Variants in NKAIN2 observed in about 807,000 individuals in gnomAD.
The protein encoded by NKAIN2 is sodium/potassium-transporting ATPase subunit beta-1-interacting protein 2.
NKAIN2 carries 14 observed loss-of-function variants against 32.6 expected under a neutral mutation model. That is an observed-to-expected ratio of 0.43 (90% CI 0.28 to 0.67). The LOEUF (loss-of-function observed/expected upper bound fraction) is 0.67, where lower values mean the gene tolerates loss of function less well. Among genes scored for constraint, NKAIN2 ranks in the 30% least tolerant of loss-of-function variants. The pLI, the probability that NKAIN2 is intolerant of heterozygous loss-of-function variation, is 0.17. For missense variants in NKAIN2, 198 were observed against 258.3 expected, an observed-to-expected ratio of 0.77 and a Z score of 1.60; for synonymous variants, 80 against 87.2, an observed-to-expected ratio of 0.92 and a Z score of 0.46.
intron 2 of NKAIN2, among the ~76,000 whole-genome samples, chr6:124,319,973 C>A (rs899852146): frequency 1.4e-4 from 21 of 152,180 alleles, no homozygotes; most frequent in African/African-American, 4.8e-4. Context: ...TAAAAAAATA[C>A]GTTGAAAGAT....
At chr6:124,247,340 G>A (rs760025384) in intron 1 of NKAIN2, among the ~76,000 whole-genome samples, 3 of 152,074 alleles carry the variant, frequency 2.0e-5, no homozygotes, top group Non-Finnish European at 4.4e-5. Flanking sequence ...CTTTTGCTTC[G>A]AGAGCAAAGC....
chr6:123,852,556 T>C (rs1775393770), intron 1 of NKAIN2, among the ~76,000 whole-genome samples: 1 of 152,180 alleles, frequency 6.6e-6, no homozygotes, highest in Non-Finnish European at 1.5e-5. Flanking sequence ...ATATCTGCAG[T>C]CCTGTGTTCA....
intron 6 of NKAIN2, among the ~76,000 whole-genome samples, chr6:124,820,609 T>C (rs934274246): frequency 1.3e-5 from 2 of 152,128 alleles, no homozygotes; most frequent in Admixed American, 6.5e-5. Context: ...CTGTAAATGG[T>C]ATATTATATA....
intron 4 of NKAIN2, among the ~76,000 whole-genome samples, chr6:124,747,658 CT>C (rs1047695161): frequency 1.3e-4 from 20 of 151,782 alleles, no homozygotes; most frequent in African/African-American, 3.9e-4. Flanking sequence ...ATTTTAAAAT[CT>C]TTCATTGATG....
chr6:124,414,844 C>T (rs1774385887), intron 3 of NKAIN2, among the ~76,000 whole-genome samples: 1 of 152,070 alleles, frequency 6.6e-6, no homozygotes, highest in Non-Finnish European at 1.5e-5. Context: ...AAGCTACCCT[C>T]TTATTTCTGA....
intron 4 of NKAIN2, among the ~76,000 whole-genome samples, chr6:124,691,714 A>G (rs1255200787): frequency 1.3e-5 from 2 of 152,114 alleles, no homozygotes; most frequent in Admixed American, 6.5e-5. Context: ...TTATCCTTAG[A>G]AAAAAATGAC....
intron 5 of NKAIN2, among the ~76,000 whole-genome samples, chr6:124,816,695 G>A (rs983510147): frequency 2.0e-5 from 3 of 152,096 alleles, no homozygotes; most frequent in Non-Finnish European, 4.4e-5. Context: ...TCTATCTGTA[G>A]CACCCCAAAT....
At chr6:124,137,761 G>A (rs566783281) in intron 1 of NKAIN2, among the ~76,000 whole-genome samples, 5 of 152,168 alleles carry the variant, frequency 3.3e-5, no homozygotes, top group South Asian at 4.1e-4. Context: ...ACATAAAGTC[G>A]GAAAAGGACA....
At chr6:124,613,241 A>C (rs1250043846) in intron 3 of NKAIN2, among the ~76,000 whole-genome samples, 1 of 152,174 alleles carries the variant, frequency 6.6e-6, no homozygotes, top group African/African-American at 2.4e-5. Flanking sequence ...AGCTGAATAC[A>C]TCAGGTTATC....
At chr6:124,320,813 T>C (rs1797146572) in intron 2 of NKAIN2, among the ~76,000 whole-genome samples, 2 of 152,346 alleles carry the variant, frequency 1.3e-5, no homozygotes, top group South Asian at 4.1e-4. Context: ...CTTGAAGCTG[T>C]GAAGACTTTT....
At chr6:124,636,996 T>C (rs1021871292) in intron 3 of NKAIN2, among the ~76,000 whole-genome samples, 3 of 151,998 alleles carry the variant, frequency 2.0e-5, no homozygotes, top group African/African-American at 7.2e-5. Context: ...CTCAACAAAA[T>C]ACTAGGAAAC....
At chr6:124,508,390 G>A (rs967928151) in intron 3 of NKAIN2, among the ~76,000 whole-genome samples, 16 of 151,532 alleles carry the variant, frequency 1.1e-4, no homozygotes, top group African/African-American at 3.2e-4. Context: ...TGTCACCCAG[G>A]CTGGAGTGCA....
At chr6:124,282,627 T>C (rs896399894) in intron 1 of NKAIN2, among the ~76,000 whole-genome samples, 13 of 152,228 alleles carry the variant, frequency 8.5e-5, no homozygotes, top group Non-Finnish European at 8.8e-5. Flanking sequence ...ACTTATATAA[T>C]GACGTTTGAA....
chr6:124,230,205 T>C (rs1582889006), intron 1 of NKAIN2, among the ~76,000 whole-genome samples: 1 of 152,130 alleles, frequency 6.6e-6, no homozygotes, highest in Non-Finnish European at 1.5e-5. Flanking sequence ...GCAGCATTTT[T>C]CCCCTGCCCT....
At chr6:124,501,727 CCT>C (rs1778299315) in intron 3 of NKAIN2, among the ~76,000 whole-genome samples, 1 of 152,124 alleles carries the variant, frequency 6.6e-6, no homozygotes, top group Admixed American at 6.5e-5. Context: ...CCCACCTTCG[CCT>C]CTCTAGCATT....
At chr6:123,820,319 T>C (rs1484763532) in intron 1 of NKAIN2, among the ~76,000 whole-genome samples, 1 of 152,234 alleles carries the variant, frequency 6.6e-6, no homozygotes, top group African/African-American at 2.4e-5. Flanking sequence ...TTAGTGTTTA[T>C]ATATAGGCAG....
At chr6:124,806,896 C>G (rs1193349707) in intron 5 of NKAIN2, among the ~76,000 whole-genome samples, 2 of 152,090 alleles carry the variant, frequency 1.3e-5, no homozygotes, top group African/African-American at 4.8e-5. Context: ...CAAAGAAGGC[C>G]ATTACATAAT....
At position 124,169,069 on chromosome 6, in the gene NKAIN2, A is replaced by C. The variant is rs568767611; in HGVS notation, c.55-113936A>C. ...TGTTCAATATGTGCTTTAATATTGA[A>C]TGTTCAGAATTGGATGTGTGTGTAT... On this transcript the variant is annotated intron_variant, in intron 1 of 6. Coordinates refer to ENST00000368417, the MANE Select transcript of NKAIN2 (RefSeq NM_001040214.3). Among the ~76,000 whole-genome samples the C allele has an allele frequency of 1.1e-3, 160 of 152,248 alleles. No individual in the cohort carries two copies. In the Middle Eastern group the frequency reaches 0.031, roughly 29 times the overall value.
intron 4 of NKAIN2, among the ~76,000 whole-genome samples, chr6:124,721,650 A>T (rs1340096096): frequency 6.6e-6 from 1 of 152,030 alleles, no homozygotes. Flanking sequence ...CTTTCAAGTC[A>T]TTCCAAGAAG....
Sources: gnomAD v4.1 joint callset for allele counts (sites outside exome capture counted in the v4.1 genomes callset) on GRCh38, gnomAD v4.1.1 for gene constraint, MANE v1.5 for transcripts, NCBI Gene and HGNC (gene_info 2026-07-23, HGNC 2026-07-21) for gene names.